The following ROS1 variants were observed in gnomAD, a reference collection of about 807,000 sequenced individuals.
ROS1 encodes proto-oncogene tyrosine-protein kinase ROS.
Under a neutral mutation model 273.5 loss-of-function variants are expected in ROS1, and 263 were observed. The ratio of observed to expected loss-of-function variants is 0.96; its 90% CI spans 0.87 to 1.06. ROS1 has a LOEUF of 1.06. Ranked by LOEUF, ROS1 falls within the 50% of genes least tolerant of loss-of-function variation. The pLI, the probability that ROS1 is intolerant of heterozygous loss-of-function variation, is 0.00. For missense variants in ROS1, 2,833 were observed against 2,751.1 expected (o/e 1.03, Z -0.67); for synonymous variants, 1,008 against 954.1 (o/e 1.06, Z -1.04).
intron 17 of ROS1, among the ~76,000 whole-genome samples, chr6:117,382,719 T>G (rs1205332452): frequency 6.6e-6 from 1 of 152,140 alleles, no homozygotes; most frequent in African/African-American, 2.4e-5. Context: ...GGTTGAGTAA[T>G]AATAATATGA....
intron 36 of ROS1, 41 bp from the exon 37 acceptor site, chr6:117,320,071 A>G (rs1218629010): frequency 1.3e-6 from 2 of 1,557,414 alleles, no homozygotes; most frequent in South Asian, 1.1e-5. Flanking sequence ...CCCTCCACAT[A>G]TATAGGGTGT....
rs1773473508 is a variant in ROS1 at position 117,396,215 on chromosome 6, A to T, written c.856T>A (p.Ser286Thr). The T allele has an allele frequency of 3.7e-6, 6 of 1,613,844 alleles. No individual in the cohort carries two copies. The highest frequency in any genetic ancestry group is 5.1e-6 in the Non-Finnish European group (6 of 1,179,772). Residue 286 changes from serine to threonine, a missense_variant, in exon 9 of 44, where the codon TCT becomes ACT. Physicochemically the swap from Ser to Thr is moderately conservative, Grantham distance 58 (BLOSUM62 1). Coordinates refer to ENST00000368507, the MANE Select transcript of ROS1 (RefSeq NM_001378902.1). ...GCTGAAGATGAAGTGGTAATACTAG[A>T]TTCTGCTTCTGGACCCTCACCAACT... is the stretch of plus-strand genomic sequence containing the variant. ...NEVGEGPEAE[S>T]SITTSSSAVQ...
At chr6:117,415,750 A>G (rs1218596741) in intron 3 of ROS1, among the ~76,000 whole-genome samples, 2 of 152,170 alleles carry the variant, frequency 1.3e-5, no homozygotes, top group Admixed American at 6.5e-5. Context: ...GACACCTACT[A>G]TATTTCCTGC....
intron 43 of ROS1, among the ~76,000 whole-genome samples, chr6:117,291,082 TC>T (rs947811698): frequency 2.0e-5 from 3 of 152,226 alleles, no homozygotes; most frequent in Admixed American, 6.5e-5. Context: ...TTTTCTCTCT[TC>T]CCTGCCTTTC....
At chr6:117,414,711 CA>C (rs1263316136) in intron 3 of ROS1, among the ~76,000 whole-genome samples, 166 bp from the exon 4 acceptor site, 2 of 152,184 alleles carry the variant, frequency 1.3e-5, no homozygotes, top group Non-Finnish European at 2.9e-5. Flanking sequence ...CCTGTCTAGG[CA>C]GGACACTGTA....
At chr6:117,289,710 G>C (rs1035080820) in intron 43 of ROS1, among the ~76,000 whole-genome samples, 3 of 152,068 alleles carry the variant, frequency 2.0e-5, no homozygotes, top group Non-Finnish European at 2.9e-5. Context: ...CATCATTATA[G>C]CATATTTCAA....
chr6:117,303,868 A>C (rs995976044), intron 42 of ROS1, among the ~76,000 whole-genome samples: 5 of 152,200 alleles, frequency 3.3e-5, no homozygotes, highest in Admixed American at 3.3e-4. Flanking sequence ...CCCAGAAATC[A>C]TTATAGGTAT....
chr6:117,297,917 A>G (rs1480201105), intron 43 of ROS1, among the ~76,000 whole-genome samples: 1 of 152,142 alleles, frequency 6.6e-6, no homozygotes, highest in Admixed American at 6.5e-5. Context: ...ACATACTTAC[A>G]CTCATATGTT....
intron 1 of ROS1, among the ~76,000 whole-genome samples, chr6:117,419,156 C>T (rs1282487074): frequency 6.6e-6 from 1 of 152,164 alleles, no homozygotes; most frequent in African/African-American, 2.4e-5. Flanking sequence ...GAGCAGCATT[C>T]TATCACTGAG....
chr6:117,354,508 A>C (rs2128640214), intron 26 of ROS1, among the ~76,000 whole-genome samples: 1 of 152,372 alleles, frequency 6.6e-6, no homozygotes, highest in Non-Finnish European at 1.5e-5. Flanking sequence ...GGCTAAATAT[A>C]AGAAAAAAAC....
chr6:117,308,347 T>C (rs1775268019), intron 42 of ROS1, among the ~76,000 whole-genome samples: 1 of 152,138 alleles, frequency 6.6e-6, no homozygotes, highest in African/African-American at 2.4e-5. Flanking sequence ...TTAGTCAATG[T>C]CAGCTATATC....
rs1465131506 is a variant in ROS1 at position 117,308,775 on chromosome 6, G to A, written c.6551+19C>T. ...ATGTTTTTGTTTGGGGGATACATAT[G>A]TTAACATAATTAACTTACAGATCAT... is the stretch of plus-strand genomic sequence containing the variant. On this transcript the variant is annotated intron_variant, in intron 42 of 43. Coordinates refer to ENST00000368507, the MANE Select transcript of ROS1 (RefSeq NM_001378902.1). 6.2e-7 allele frequency: 1 copy of A among 1,609,224 alleles called. No individual in the cohort carries two copies. The highest frequency in any genetic ancestry group is 8.5e-7 in the Non-Finnish European group (1 of 1,177,938).
intron 11 of ROS1, among the ~76,000 whole-genome samples, chr6:117,393,535 G>A (rs896311659): frequency 6.6e-6 from 1 of 152,114 alleles, no homozygotes; most frequent in East Asian, 1.9e-4. Context: ...CAATACAAGT[G>A]CCTATTTTCC....
intron 36 of ROS1, among the ~76,000 whole-genome samples, chr6:117,320,295 C>T (rs150750988): frequency 6.6e-6 from 1 of 152,090 alleles, no homozygotes; most frequent in African/African-American, 2.4e-5. Context: ...GTATGCATTG[C>T]CTCAACACTT....
At chr6:117,321,471 T>C (rs1238711497) in intron 35 of ROS1, 77 bp from the exon 36 acceptor site, 1 of 1,275,570 alleles carries the variant, frequency 7.8e-7, no homozygotes, top group African/African-American at 1.5e-5. Flanking sequence ...TAACAGTGCA[T>C]TTGAAGTGTT....
At chr6:117,323,519 A>G (rs1465188985) in intron 35 of ROS1, among the ~76,000 whole-genome samples, 2 of 152,090 alleles carry the variant, frequency 1.3e-5, no homozygotes, top group Non-Finnish European at 2.9e-5. Flanking sequence ...GGGACTCTCA[A>G]TATTAGCAAT....
intron 10 of ROS1, 113 bp downstream of exon 10, chr6:117,394,503 G>T: frequency 1.2e-6 from 1 of 861,486 alleles, no homozygotes; most frequent in Non-Finnish European, 1.6e-6. Context: ...AATATATTAG[G>T]ATATTAAGAG....
At chr6:117,372,966 GGTCC>G in intron 18 of ROS1, among the ~76,000 whole-genome samples, 1 of 152,278 alleles carries the variant, frequency 6.6e-6, no homozygotes, top group East Asian at 1.9e-4. Context: ...AGAGCTGATT[GGTCC>G]GTTTTGATAG....
intron 40 of ROS1, 123 bp downstream of exon 40, chr6:117,310,897 A>G (rs961959933): frequency 1.4e-5 from 8 of 581,368 alleles, no homozygotes; most frequent in Non-Finnish European, 2.4e-5. Flanking sequence ...AGAGACTTTT[A>G]ATAGAAATTA....
Sources: gnomAD v4.1 joint callset for allele counts (sites outside exome capture counted in the v4.1 genomes callset) on GRCh38, gnomAD v4.1.1 for gene constraint, MANE v1.5 for transcripts, NCBI Gene and HGNC (gene_info 2026-07-23, HGNC 2026-07-21) for gene names.